Variants in GSTP1 observed in about 807,000 individuals in gnomAD.
GSTP1 encodes the protein glutathione S-transferase pi 1, also known as glutathione S-transferase P.
GSTP1 carries 28 observed loss-of-function variants against 29.4 expected under a neutral mutation model. The ratio of observed to expected loss-of-function variants is 0.95; its 90% CI spans 0.71 to 1.30. The LOEUF (loss-of-function observed/expected upper bound fraction) is 1.30. Ranked by LOEUF, GSTP1 falls within the 50% of genes most tolerant of loss-of-function variation. The pLI is 0.00. For synonymous variants in GSTP1, 122 were observed against 117.0 expected (o/e 1.04, Z -0.28); for missense variants, 267 against 266.1 (o/e 1.00, Z -0.02).
Position 67,585,101 on chromosome 11 carries a change from C to T in GSTP1, c.233-37C>T, listed in dbSNP as rs2134394080. The T allele has an allele frequency of 3.0e-6, 4 of 1,341,754 alleles. No homozygotes were observed. In the East Asian group the frequency reaches 6.9e-5, roughly 23 times the overall value. The allele number at this position is 1,341,754 out of a possible 1,614,324, so 83.1% of individuals were successfully genotyped here. A position where few individuals can be genotyped will look rare whatever the true frequency, so the allele number is the denominator to read the frequency against. On this transcript the variant is annotated intron_variant, in intron 4 of 6. Coordinates refer to ENST00000398606, the MANE Select transcript of GSTP1 (RefSeq NM_000852.4). ...CAGTGACTGTGTGTTGATCAGGCGC[C>T]CAGTCACGCGGCCTGCTCCCCTCCA...
chr11:67,585,562 G>T (rs115899453), intron 5 of GSTP1, among the ~76,000 whole-genome samples: 1 of 152,198 alleles, frequency 6.6e-6, no homozygotes. Flanking sequence ...AGGATTTGTC[G>T]CCAGTTTCTG....
At chr11:67,584,859 C>T (rs960771964) in intron 4 of GSTP1, 87 bp downstream of exon 4, 63 of 1,021,134 alleles carry the variant, frequency 6.2e-5, no homozygotes, top group Non-Finnish European at 8.3e-5. Flanking sequence ...GCCCCGCAGC[C>T]CTCTGGAGTG....
At position 67,586,101 on chromosome 11, in the gene GSTP1, C is replaced by T. The variant is rs2134395174; in HGVS notation, c.337-3C>T. ...TAGGATGATACATGGTGGTGTCTGG[C>T]AGGAGGCGGGCAAGGATGACTATGT... is the stretch of plus-strand genomic sequence containing the variant. On this transcript the variant is annotated splice_region_variant and splice_polypyrimidine_tract_variant and intron_variant, in intron 5 of 6. Coordinates refer to ENST00000398606, the MANE Select transcript of GSTP1 (RefSeq NM_000852.4). 6.2e-7 allele frequency: 1 copy of T among 1,608,856 alleles called. No individual in the cohort carries two copies. The highest frequency in any genetic ancestry group is 1.3e-5 in the African/African-American group (1 of 74,840).
chr11:67,584,281 T>A, intron 2 of GSTP1, 112 bp downstream of exon 2: 1 of 868,914 alleles, frequency 1.2e-6, no homozygotes, highest in Non-Finnish European at 1.8e-6. Context: ...GTGTGGCTTT[T>A]ACCCCGGGCC....
chr11:67,585,969 G>C lies in GSTP1; in HGVS notation c.337-135G>C, dbSNP rs1241264679. Reference sequence around the variant, plus strand: ...GATGAGTTGGCAGCTGAAGTGGACAGGATTTGGTACTAGCCTGGTTGTGGG... The same window carrying C: ...GATGAGTTGGCAGCTGAAGTGGACACGATTTGGTACTAGCCTGGTTGTGGG... On this transcript the variant is annotated intron_variant, in intron 5 of 6. Transcript: ENST00000398606. The C allele has an allele frequency of 4.6e-6, 3 of 650,066 alleles. No homozygotes were observed. In the African/African-American group the frequency reaches 5.4e-5, roughly 12 times the overall value. The allele number at this position is 650,066 out of a possible 1,614,324, so 40.3% of individuals were successfully genotyped here.
chr11:67,584,532 G>A lies in GSTP1; in HGVS notation c.106G>A (p.Val36Met), dbSNP rs1377458828. 1 of 1,594,004 alleles carries A rather than the reference G, an allele frequency of 6.3e-7. No homozygotes were observed. The highest frequency in any genetic ancestry group is 1.8e-5 in the Admixed American group (1 of 55,782). Residue 36 changes from valine to methionine, a missense_variant, in exon 3 of 7, where the codon GTG becomes ATG. Transcript: ENST00000398606. Reference sequence around the variant, plus strand: ...GAGCTGGAAGGAGGAGGTGGTGACCGTGGAGACGTGGCAGGAGGGCTCACT... The same window carrying A: ...GAGCTGGAAGGAGGAGGTGGTGACCATGGAGACGTGGCAGGAGGGCTCACT... Reference protein sequence around the residue: ...GQSWKEEVVTVETWQEGSLKA... With the variant: ...GQSWKEEVVTMETWQEGSLKA...
In GSTP1 at chr11:67,586,591, T is replaced by A. The variant is rs1867472216; in HGVS notation, c.*14T>A. The A allele has an allele frequency of 1.2e-6, 2 of 1,600,848 alleles. No individual in the cohort carries two copies. Among genetic ancestry groups the A allele is most frequent in the South Asian group, 1.1e-5 (1 of 90,326 alleles). ...GGGAAACAGTGAGGGTTGGGGGGAC[T>A]CTGAGCGGGAGGCAGAGTTTGCCTT... On this transcript the variant is annotated 3_prime_UTR_variant, in exon 7 of 7. Coordinates refer to ENST00000398606, the MANE Select transcript of GSTP1 (RefSeq NM_000852.4).
At chr11:67,584,847 C>A in intron 4 of GSTP1, 75 bp downstream of exon 4, 1 of 1,112,674 alleles carries the variant, frequency 9.0e-7, no homozygotes, top group Non-Finnish European at 1.4e-6. Context: ...TTTAAATCAG[C>A]TGCCCCGCAG....
In GSTP1 at chr11:67,586,459, A is replaced by G; in HGVS notation, c.515A>G (p.Asp172Gly). 2 of 1,614,116 alleles carry G rather than the reference A, an allele frequency of 1.2e-6. No homozygotes were observed. The highest frequency in any genetic ancestry group is 8.5e-7 in the Non-Finnish European group (1 of 1,179,980). ...GAGGTCCTAGCCCCTGGCTGCCTGGATGCGTTCCCCCTGCTCTCAGCATAT... is the reference window on the plus strand; with the variant it reads ...GAGGTCCTAGCCCCTGGCTGCCTGGGTGCGTTCCCCCTGCTCTCAGCATAT... ...IHEVLAPGCLDAFPLLSAYVG... is the reference protein window; with the variant it reads ...IHEVLAPGCLGAFPLLSAYVG... The change falls in exon 7 of 7, where the codon GAT becomes GGT. Residue 172 changes from aspartate to glycine, a missense_variant. Physicochemically the swap from Asp to Gly is moderately conservative, Grantham distance 94 (BLOSUM62 -1). Transcript: ENST00000398606.
Position 67,586,404 on chromosome 11 carries a change from T to C in GSTP1, c.460T>C (p.Tyr154His), listed in dbSNP as rs750908433. 2.5e-6 allele frequency: 4 copies of C among 1,613,808 alleles called. No individual in the cohort carries two copies. In the Admixed American group the frequency reaches 5.0e-5, roughly 20 times the overall value. The part of the protein sequence containing the change: ...IVGDQISFAD[Y>H]NLLDLLLIHE... ...TGCCCTGCAGATCTCCTTCGCTGACTACAACCTGCTGGACTTGCTGCTGAT... is the reference window on the plus strand; with the variant it reads ...TGCCCTGCAGATCTCCTTCGCTGACCACAACCTGCTGGACTTGCTGCTGAT... Residue 154 changes from tyrosine (Y) to histidine (H), a missense_variant, in exon 7 of 7, where the codon TAC becomes CAC. By Grantham distance (83) the Tyr-to-His change is moderately conservative. Coordinates refer to ENST00000398606, the MANE Select transcript of GSTP1 (RefSeq NM_000852.4).
In GSTP1 at chr11:67,586,137, C is replaced by T. The variant is rs78507509; in HGVS notation, c.370C>T (p.Pro124Ser). The T allele has an allele frequency of 3.1e-6, 5 of 1,613,792 alleles. No homozygotes were observed. Among genetic ancestry groups the T allele is most frequent in the Non-Finnish European group, 4.2e-6 (5 of 1,179,814 alleles). ...CAAGGATGACTATGTGAAGGCACTG[C>T]CCGGGCAACTGAAGCCTTTTGAGAC... Reference protein sequence around the residue: ...AGKDDYVKALPGQLKPFETLL... With the variant: ...AGKDDYVKALSGQLKPFETLL... Residue 124 changes from proline to serine, a missense_variant, in exon 6 of 7, where the codon CCC (proline) becomes TCC (serine). Transcript: ENST00000398606.
chr11:67,584,429 C>A (rs896941288), intron 2 of GSTP1, 35 bp from the exon 3 acceptor site: 1 of 1,229,300 alleles, frequency 8.1e-7, no homozygotes, highest in Non-Finnish European at 1.1e-6. Flanking sequence ...GGAGTCGGCC[C>A]GGTCCCCACA....
chr11:67,586,504 G>T lies in GSTP1; in HGVS notation c.560G>T (p.Arg187Leu). 1 of 1,614,160 alleles carries T rather than the reference G, an allele frequency of 6.2e-7. No homozygotes were observed. ...GCATATGTGGGGCGCCTCAGTGCCC[G>T]GCCCAAGCTCAAGGCCTTCCTGGCC... Reference protein sequence around the residue: ...LSAYVGRLSARPKLKAFLASP... With the variant: ...LSAYVGRLSALPKLKAFLASP... The change falls in exon 7 of 7, where the codon CGG becomes CTG. Residue 187 changes from arginine (R) to leucine (L), a missense_variant. Transcript: ENST00000398606.
chr11:67,586,249 C>A (rs779730828), intron 6 of GSTP1, 38 bp downstream of exon 6: 8 of 1,550,708 alleles, frequency 5.2e-6, no homozygotes, highest in Non-Finnish European at 7.1e-6. Flanking sequence ...TCCTCGCCAC[C>A]CTCTGCTTCC....
intron 1 of GSTP1, 77 bp from the exon 2 acceptor site, chr11:67,584,057 G>GA: frequency 1.8e-6 from 2 of 1,099,178 alleles, no homozygotes; most frequent in Admixed American, 2.3e-5. Flanking sequence ...CGGGGGCGGG[G>GA]AGGGGGGGCA....
rs761007002 is a variant in GSTP1, at chr11:67,584,586, C to T, written c.144+16C>T. Reference sequence around the variant, plus strand: ...AGCCTCCTGCGTAAGTGACCATGCCCGGGCAAGGGGAGGGGGTGCTGGGCC... The same window carrying T: ...AGCCTCCTGCGTAAGTGACCATGCCTGGGCAAGGGGAGGGGGTGCTGGGCC... On this transcript the variant is annotated intron_variant, in intron 3 of 6. Coordinates refer to ENST00000398606, the MANE Select transcript of GSTP1 (RefSeq NM_000852.4). The T allele has an allele frequency of 5.0e-6, 8 of 1,585,362 alleles. No individual in the cohort carries two copies. Among genetic ancestry groups the T allele is most frequent in the Non-Finnish European group, 6.9e-6 (8 of 1,155,820 alleles).
Position 67,584,673 on chromosome 11 carries a change from C to T in GSTP1, c.145-12C>T. ...CTCAGTGCCCCTCCCTGAGCCATGC[C>T]TCCCCCAACAGCTATACGGGCAGCT... On this transcript the variant is annotated splice_polypyrimidine_tract_variant and intron_variant, in intron 3 of 6. Coordinates refer to ENST00000398606, the MANE Select transcript of GSTP1 (RefSeq NM_000852.4). 2 of 1,610,378 alleles carry T rather than the reference C, an allele frequency of 1.2e-6. No homozygotes were observed. Among genetic ancestry groups the T allele is most frequent in the Non-Finnish European group, 1.7e-6 (2 of 1,176,792 alleles).
At position 67,586,579 on chromosome 11, in the gene GSTP1, G is replaced by A. The variant is rs1867471917; in HGVS notation, c.*2G>A. 1 of 1,606,968 alleles carries A rather than the reference G, an allele frequency of 6.2e-7. No individual in the cohort carries two copies. On this transcript the variant is annotated 3_prime_UTR_variant, in exon 7 of 7. Transcript: ENST00000398606. The stretch of plus-strand genomic sequence containing the variant: ...ATCAATGGCAACGGGAAACAGTGAG[G>A]GTTGGGGGGACTCTGAGCGGGAGGC...
intron 5 of GSTP1, among the ~76,000 whole-genome samples, chr11:67,585,894 A>G (rs1193464825): frequency 2.0e-5 from 3 of 152,072 alleles, no homozygotes; most frequent in Admixed American, 6.6e-5. Context: ...AGCTTTTGCA[A>G]TCATCTGGTG....
Sources: gnomAD v4.1 joint callset for allele counts (sites outside exome capture counted in the v4.1 genomes callset) on GRCh38, gnomAD v4.1.1 for gene constraint, MANE v1.5 for transcripts, NCBI Gene and HGNC (gene_info 2026-07-23, HGNC 2026-07-21) for gene names.